TTC28: variants seen among roughly 807,000 people sequenced by gnomAD.
The protein encoded by TTC28 is tetratricopeptide repeat domain 28.
TTC28 carries 61 observed loss-of-function variants against 198.0 expected under a neutral mutation model. The ratio of observed to expected loss-of-function variants is 0.31; its 90% CI spans 0.25 to 0.38. The LOEUF (loss-of-function observed/expected upper bound fraction) is 0.38, where lower values mean the gene tolerates loss of function less well. Ranked by LOEUF, TTC28 falls within the 10% of genes least tolerant of loss-of-function variation. TTC28 has a pLI of 1.00. For missense variants in TTC28, 2,678 were observed against 3,164.0 expected (o/e 0.85, Z 3.69); for synonymous variants, 1,171 against 1,297.8 (o/e 0.90, Z 2.10).
chr22:28,430,561 G>A (rs1364667219), intron 2 of TTC28, among the ~76,000 whole-genome samples: 1 of 152,128 alleles, frequency 6.6e-6, no homozygotes, highest in African/African-American at 2.4e-5. Flanking sequence ...AGATAAACTA[G>A]TCAAATGTGG....
At chr22:28,533,220 A>G (rs1458645156) in intron 2 of TTC28, among the ~76,000 whole-genome samples, 1 of 152,166 alleles carries the variant, frequency 6.6e-6, no homozygotes, top group Non-Finnish European at 1.5e-5. Flanking sequence ...CTCAGGATAA[A>G]AAAATCAATG....
At chr22:28,228,039 A>G (rs1928485679) in intron 5 of TTC28, among the ~76,000 whole-genome samples, 1 of 152,226 alleles carries the variant, frequency 6.6e-6, no homozygotes, top group African/African-American at 2.4e-5. Flanking sequence ...TCAGACTTCA[A>G]AAAGAAGGAA....
intron 2 of TTC28, among the ~76,000 whole-genome samples, chr22:28,604,044 G>A (rs1291392958): frequency 4.6e-5 from 7 of 151,464 alleles, no homozygotes; most frequent in African/African-American, 4.8e-5. Flanking sequence ...TTGGGAGGCC[G>A]AGGCAGACAG....
rs1040730407 is a variant in TTC28, at chr22:28,645,006, G to A, written c.103-15176C>T. Among the ~76,000 whole-genome samples the A allele has an allele frequency of 1.6e-4, 24 of 151,786 alleles. No homozygotes were observed. The East Asian group carries it at 2.0e-3, about 12-fold the overall frequency. On this transcript the variant is annotated intron_variant, in intron 1 of 22. Transcript: ENST00000397906. ...TAAAAATACAAAAAATTAGCCGGGC[G>A]TGGTGGCAGGCACCTGTAGTCCCAG...
At chr22:28,275,201 C>G (rs1932344753) in intron 5 of TTC28, among the ~76,000 whole-genome samples, 1 of 152,142 alleles carries the variant, frequency 6.6e-6, no homozygotes, top group Non-Finnish European at 1.5e-5. Context: ...TTTTACACTT[C>G]TAAAACAACT....
chr22:28,020,538 C>G (rs140442410), intron 13 of TTC28, among the ~76,000 whole-genome samples: 1 of 152,082 alleles, frequency 6.6e-6, no homozygotes, highest in African/African-American at 2.4e-5. Flanking sequence ...GGGCTGGGCT[C>G]GTGAATCTTC....
At chr22:28,450,848 A>T (rs750982827) in intron 2 of TTC28, among the ~76,000 whole-genome samples, 9 of 152,214 alleles carry the variant, frequency 5.9e-5, no homozygotes, top group Non-Finnish European at 1.0e-4. Context: ...TAGGCAGCAC[A>T]GTACTATGAA....
intron 2 of TTC28, among the ~76,000 whole-genome samples, chr22:28,416,638 T>C (rs2047171469): frequency 6.9e-6 from 1 of 145,230 alleles, no homozygotes. Context: ...TAGGGTGAGC[T>C]CCACCAACAT....
At chr22:28,454,677 G>T (rs2047831677) in intron 2 of TTC28, among the ~76,000 whole-genome samples, 1 of 152,158 alleles carries the variant, frequency 6.6e-6, no homozygotes, top group Non-Finnish European at 1.5e-5. Flanking sequence ...ACACTGATGA[G>T]AATCTTGTAT....
intron 1 of TTC28, among the ~76,000 whole-genome samples, chr22:28,654,594 C>T (rs1229381659): frequency 6.6e-6 from 1 of 152,222 alleles, no homozygotes; most frequent in Non-Finnish European, 1.5e-5. Flanking sequence ...TCCCAAAGTG[C>T]TGGGATTACA....
intron 8 of TTC28, among the ~76,000 whole-genome samples, chr22:28,102,156 C>G (rs28462248): frequency 0.057 from 8,614 of 152,250 alleles, 257 homozygotes; most frequent in Non-Finnish European, 0.059. Flanking sequence ...TCCTTTCTCA[C>G]GTGCACAGCA....
At chr22:28,094,899 G>A (rs186387603) in intron 11 of TTC28, among the ~76,000 whole-genome samples, 50 of 152,198 alleles carry the variant, frequency 3.3e-4, no homozygotes, top group African/African-American at 1.1e-3. Context: ...GGAAAACGCC[G>A]GTCCTCTCTG....
rs1424901876 is a variant in TTC28, at chr22:28,001,552, C to A, written c.4220G>T (p.Gly1407Val). 6.5e-7 allele frequency: 1 copy of A among 1,548,872 alleles called. No homozygotes were observed. Reference protein sequence around the residue: ...YDLLIAPMEGGLMHSSGPVGR... With the variant: ...YDLLIAPMEGVLMHSSGPVGR... ...CACGGGGCCGCTGGAGTGCATCAGG[C>A]CCTATGGAGCAAGCACGGAGAGGCT... is the stretch of plus-strand genomic sequence containing the variant. The change falls in exon 15 of 23, where the codon GGC becomes GTC. Residue 1407 changes from glycine (G) to valine (V), a missense_variant and splice_region_variant. Gly to Val is a moderately radical substitution (Grantham distance 109, BLOSUM62 -3). This residue lies in a region of TTC28 where 727 missense variants were observed against 861.9 expected (regional missense o/e 0.84). Coordinates refer to ENST00000397906, the MANE Select transcript of TTC28 (RefSeq NM_001145418.2).
At position 28,081,956 on chromosome 22, in the gene TTC28, A is replaced by C. The variant is rs542091985; in HGVS notation, c.3932+12124T>G. On this transcript the variant is annotated intron_variant, in intron 12 of 22. Coordinates refer to ENST00000397906, the MANE Select transcript of TTC28 (RefSeq NM_001145418.2). The stretch of plus-strand genomic sequence containing the variant: ...CAGAATTTTTTGTAGTTTTCAGTAT[A>C]TGGGTCTTTCCCTTCCTTGGTTAAG... 2.0e-5 allele frequency among the ~76,000 whole-genome samples: 3 copies of C among 152,268 alleles called. No homozygotes were observed. The East Asian group carries it at 5.8e-4, about 29-fold the overall frequency.
intron 5 of TTC28, among the ~76,000 whole-genome samples, chr22:28,281,233 T>C (rs2044576749): frequency 6.6e-6 from 1 of 152,152 alleles, no homozygotes; most frequent in African/African-American, 2.4e-5. Flanking sequence ...TAATTATACA[T>C]ATGTAAGACC....
intron 13 of TTC28, among the ~76,000 whole-genome samples, chr22:28,017,579 G>A (rs1213271093): frequency 6.6e-6 from 1 of 152,162 alleles, no homozygotes; most frequent in Non-Finnish European, 1.5e-5. Context: ...TGGGGTACTT[G>A]GGGCAGTGAG....
intron 13 of TTC28, chr22:28,029,008 C>G (rs73880373): frequency 2.1e-6 from 1 of 471,042 alleles, no homozygotes; most frequent in African/African-American, 2.0e-5. Flanking sequence ...CCACAGCCTG[C>G]ATCACCTGGT....
chr22:28,276,028 T>C (rs1224405127), intron 5 of TTC28, among the ~76,000 whole-genome samples: 1 of 152,122 alleles, frequency 6.6e-6, no homozygotes, highest in Non-Finnish European at 1.5e-5. Flanking sequence ...TTTTCTTTTT[T>C]TTTTAGAAAG....
intron 2 of TTC28, among the ~76,000 whole-genome samples, chr22:28,582,945 C>T (rs1422019927): frequency 6.6e-6 from 1 of 152,146 alleles, no homozygotes; most frequent in Non-Finnish European, 1.5e-5. Flanking sequence ...GGAAGAAACA[C>T]ACCCTTAATA....
Sources: allele counts gnomAD v4.1 joint callset (sites outside exome capture counted in the v4.1 genomes callset), GRCh38; gene constraint gnomAD v4.1.1; regional missense constraint gnomAD v4.1.1; transcripts MANE v1.5; gene names NCBI Gene and HGNC (gene_info 2026-07-23, HGNC 2026-07-21).